The following KCNB2 variants were observed in gnomAD, a reference collection of about 807,000 sequenced individuals.
KCNB2 encodes potassium voltage-gated channel subfamily B member 2, also known as delayed rectifier potassium channel protein.
In KCNB2, 15 loss-of-function variants were observed where a neutral mutation model predicts 61.5. The observed-to-expected ratio is 0.24, with a 90% CI of 0.16 to 0.38. The LOEUF (loss-of-function observed/expected upper bound fraction) is 0.38, where lower values mean the gene tolerates loss of function less well. Ranked by LOEUF, KCNB2 falls within the 10% of genes least tolerant of loss-of-function variation. KCNB2 has a pLI of 1.00. For synonymous variants in KCNB2, 457 were observed against 446.0 expected, an observed-to-expected ratio of 1.02 and a Z score of -0.31; for missense variants, 828 against 1,125.2, an observed-to-expected ratio of 0.74 and a Z score of 3.78.
intron 2 of KCNB2, among the ~76,000 whole-genome samples, chr8:72,717,829 G>T (rs940343259): frequency 6.6e-6 from 1 of 152,078 alleles, no homozygotes; most frequent in Non-Finnish European, 1.5e-5. Context: ...TAATTAAACT[G>T]AAGAGTTTCT....
intron 2 of KCNB2, among the ~76,000 whole-genome samples, chr8:72,830,474 C>T (rs942944939): frequency 1.3e-5 from 2 of 152,176 alleles, no homozygotes; most frequent in Non-Finnish European, 2.9e-5. Flanking sequence ...TAGAACAAGT[C>T]AACCCACTCC....
At chr8:72,882,554 A>AGAAT (rs1554541261) in intron 2 of KCNB2, among the ~76,000 whole-genome samples, 1 of 149,418 alleles carries the variant, frequency 6.7e-6, no homozygotes, top group East Asian at 2.0e-4. Flanking sequence ...AGAGAGAGAG[A>AGAAT]GAATGTGTGT....
intron 2 of KCNB2, among the ~76,000 whole-genome samples, chr8:72,595,587 G>T (rs149052662): frequency 0.016 from 2,395 of 152,144 alleles, 49 homozygotes; most frequent in African/African-American, 0.054. Context: ...GCCTCCCAAA[G>T]TGCTGGGATT....
At chr8:72,766,900 G>A (rs1042961292) in intron 2 of KCNB2, among the ~76,000 whole-genome samples, 1 of 152,170 alleles carries the variant, frequency 6.6e-6, no homozygotes, top group African/African-American at 2.4e-5. Context: ...TGGACTTACA[G>A]TTCCGCATGA....
At position 72,936,150 on chromosome 8, in the gene KCNB2, A is replaced by C. The variant is rs780801026; in HGVS notation, c.795A>C (p.Pro265=). The change falls in exon 3 of 3, where the codon CCA becomes CCC. Residue 265 remains proline, a synonymous_variant. Coordinates refer to ENST00000523207, the MANE Select transcript of KCNB2 (RefSeq NM_004770.3). This position sits in a 1 kb window ranked among gnomAD's most constrained non-coding sequence, Gnocchi z 5.6. ...ATAAATGGAAGTTCTTCAAAGGCCC[A>C]CTGAATGTCATTGATTTGCTGGCCA... The part of the protein sequence containing the change: ...SPNKWKFFKG[P]LNVIDLLAIL... 8 of 1,614,188 alleles carry C rather than the reference A, an allele frequency of 5.0e-6. No homozygotes were observed. In the South Asian group the frequency reaches 7.7e-5, roughly 16 times the overall value.
chr8:72,780,192 G>A (rs919576952), intron 2 of KCNB2, among the ~76,000 whole-genome samples: 11 of 152,052 alleles, frequency 7.2e-5, no homozygotes, highest in African/African-American at 2.2e-4. Flanking sequence ...TATAACTTAC[G>A]ACTGTCTCTG....
intron 2 of KCNB2, among the ~76,000 whole-genome samples, chr8:72,786,082 C>T (rs1189301979): frequency 6.6e-6 from 1 of 150,494 alleles, no homozygotes; most frequent in Non-Finnish European, 1.5e-5. Context: ...AAAGACTTCA[C>T]TCGCATTTTC....
intron 2 of KCNB2, among the ~76,000 whole-genome samples, chr8:72,706,112 A>G (rs1807219684): frequency 6.6e-6 from 1 of 152,224 alleles, no homozygotes; most frequent in Non-Finnish European, 1.5e-5. Context: ...GGCCAAGGCA[A>G]AACTGAAAGA....
intron 1 of KCNB2, among the ~76,000 whole-genome samples, chr8:72,562,679 T>C (rs1169594460): frequency 6.6e-6 from 1 of 152,224 alleles, no homozygotes; most frequent in Non-Finnish European, 1.5e-5. Context: ...TTATAAATTA[T>C]TCACAGTTGC....
intron 2 of KCNB2, among the ~76,000 whole-genome samples, chr8:72,806,141 C>G (rs919104354): frequency 1.3e-5 from 2 of 151,916 alleles, no homozygotes; most frequent in Non-Finnish European, 2.9e-5. Context: ...GGGTGGATCA[C>G]GAGGTCAGGA....
At chr8:72,809,556 A>C (rs1426632359) in intron 2 of KCNB2, among the ~76,000 whole-genome samples, 1 of 152,216 alleles carries the variant, frequency 6.6e-6, no homozygotes, top group African/African-American at 2.4e-5. Context: ...ATAAAGAAAG[A>C]CTTCTGCTTT....
intron 2 of KCNB2, among the ~76,000 whole-genome samples, chr8:72,596,449 G>A (rs773533331): frequency 9.9e-5 from 15 of 152,124 alleles, no homozygotes; most frequent in Non-Finnish European, 1.8e-4. Flanking sequence ...TGATAAATGC[G>A]ATGATTTTAG....
At chr8:72,565,008 T>C (rs979297309) in intron 1 of KCNB2, among the ~76,000 whole-genome samples, 2 of 152,150 alleles carry the variant, frequency 1.3e-5, no homozygotes, top group East Asian at 1.9e-4. Flanking sequence ...GTACATGAAA[T>C]AGATACTATT....
intron 2 of KCNB2, among the ~76,000 whole-genome samples, chr8:72,769,691 T>C (rs764368908): frequency 6.6e-5 from 10 of 152,112 alleles, no homozygotes; most frequent in Non-Finnish European, 1.5e-4. Flanking sequence ...GAGCTCTGCA[T>C]GCCTCCTGTG....
At chr8:72,843,745 A>C (rs1809936574) in intron 2 of KCNB2, among the ~76,000 whole-genome samples, 1 of 152,108 alleles carries the variant, frequency 6.6e-6, no homozygotes, top group Admixed American at 6.6e-5. Flanking sequence ...TTTATCAGAG[A>C]CTGGGATTGC....
intron 2 of KCNB2, among the ~76,000 whole-genome samples, chr8:72,830,106 T>A (rs1809667387): frequency 6.6e-6 from 1 of 151,858 alleles, no homozygotes; most frequent in Admixed American, 6.6e-5. Context: ...CACTATGCCT[T>A]CAGCTTTTAG....
chr8:72,800,857 G>T lies in KCNB2; in HGVS notation c.580-135078G>T, dbSNP rs142868807. Among the ~76,000 whole-genome samples the T allele has an allele frequency of 3.9e-5, 6 of 152,308 alleles. No individual in the cohort carries two copies. The East Asian group carries it at 1.2e-3, about 29-fold the overall frequency. On this transcript the variant is annotated intron_variant, in intron 2 of 2. Transcript: ENST00000523207. The stretch of plus-strand genomic sequence containing the variant: ...AATAAAAATGGCTCTTAAAGTGGTA[G>T]AGTTTGGCTTCCAATAAGAAGAATA...
intron 2 of KCNB2, among the ~76,000 whole-genome samples, chr8:72,665,606 T>TA (rs1398183022): frequency 8.3e-6 from 1 of 120,266 alleles, no homozygotes; most frequent in Non-Finnish European, 1.8e-5. Context: ...CCTCAGAACC[T>TA]AAGGTGGGCC....
intron 2 of KCNB2, among the ~76,000 whole-genome samples, chr8:72,674,615 G>A (rs1743430769): frequency 6.6e-6 from 1 of 152,238 alleles, no homozygotes; most frequent in South Asian, 2.1e-4. Context: ...TAAGGATGAT[G>A]TGAAGTTATA....
Sources: allele counts gnomAD v4.1 joint callset (sites outside exome capture counted in the v4.1 genomes callset), GRCh38; gene constraint gnomAD v4.1.1; non-coding constraint Gnocchi (gnomAD v3.1); transcripts MANE v1.5; gene names NCBI Gene and HGNC (gene_info 2026-07-23, HGNC 2026-07-21).